Variants in PCBP2 observed in about 807,000 individuals in gnomAD.
PCBP2 encodes the protein poly(rC) binding protein 2.
Under a neutral mutation model 50.1 loss-of-function variants are expected in PCBP2, and 4 were observed. That is an observed-to-expected ratio of 0.08 (90% CI 0.04 to 0.18). The LOEUF (loss-of-function observed/expected upper bound fraction) is 0.18, where lower values mean the gene tolerates loss of function less well. Ranked by LOEUF, PCBP2 falls within the 10% of genes least tolerant of loss-of-function variation. PCBP2 has a pLI of 1.00. For synonymous variants in PCBP2, 179 were observed against 168.0 expected (o/e 1.07, Z -0.51); for missense variants, 161 against 474.3 (o/e 0.34, Z 6.14).
At chr12:53,457,509 CTAG>C (rs1941119231) in intron 5 of PCBP2, among the ~76,000 whole-genome samples, 1 of 152,008 alleles carries the variant, frequency 6.6e-6, no homozygotes, top group African/African-American at 2.4e-5. Context: ...CCATGTCTGG[CTAG>C]TTTTCATGGG....
chr12:53,471,453 C>G (rs918912265), intron 13 of PCBP2, among the ~76,000 whole-genome samples, 185 bp from the exon 14 acceptor site: 7 of 150,680 alleles, frequency 4.6e-5, no homozygotes, highest in Admixed American at 1.3e-4. Context: ...TGGCATGCGC[C>G]TGTAGTCCTG....
In PCBP2 at chr12:53,452,283, C is replaced by T. The variant is rs1287985774; in HGVS notation, c.-169C>T. 7.7e-6 allele frequency: 1 copy of T among 130,392 alleles called. No individual in the cohort carries two copies. The highest frequency in any genetic ancestry group is 1.7e-5 in the Non-Finnish European group (1 of 59,854). The allele number at this position is 130,392 out of a possible 1,614,324, so 8.1% of individuals were successfully genotyped here. On this transcript the variant is annotated 5_prime_UTR_variant, in exon 1 of 15. Transcript: ENST00000546463. ...CCGCCCGCCCGCGGGGCCCCCCTCG[C>T]CTTCCCGCCCGCCCCTATTGTTCCG...
At chr12:53,452,578 T>G (rs971215863) in intron 1 of PCBP2, among the ~76,000 whole-genome samples, 13 of 150,062 alleles carry the variant, frequency 8.7e-5, no homozygotes, top group Admixed American at 5.9e-4. Flanking sequence ...GCAAGGCCTA[T>G]TCCCCCCTCC....
chr12:53,459,013 C>T (rs753799931), intron 5 of PCBP2, among the ~76,000 whole-genome samples: 1 of 152,120 alleles, frequency 6.6e-6, no homozygotes, highest in Non-Finnish European at 1.5e-5. Flanking sequence ...CAGATTATTA[C>T]TTTTATCCTT....
intron 7 of PCBP2, among the ~76,000 whole-genome samples, chr12:53,461,386 T>G (rs918215835): frequency 6.6e-6 from 1 of 152,120 alleles, no homozygotes; most frequent in African/African-American, 2.4e-5. Flanking sequence ...TGTAGCAGAG[T>G]CGGGGAGAAG....
At chr12:53,474,221 C>T (rs867722973) in intron 14 of PCBP2, among the ~76,000 whole-genome samples, 15 of 152,104 alleles carry the variant, frequency 9.9e-5, no homozygotes, top group Middle Eastern at 3.4e-3. Flanking sequence ...ATACCACCTC[C>T]CACCAGAAAA....
intron 12 of PCBP2, 100 bp downstream of exon 12, chr12:53,467,943 C>G: frequency 1.1e-6 from 1 of 951,546 alleles, no homozygotes; most frequent in Non-Finnish European, 1.7e-6. Flanking sequence ...CAGCAACATG[C>G]ACATGGCAGA....
intron 11 of PCBP2, 32 bp downstream of exon 11, chr12:53,467,325 G>T (rs752986382): frequency 6.5e-7 from 1 of 1,550,078 alleles, no homozygotes; most frequent in Admixed American, 1.7e-5. Context: ...TTTCTGTAAG[G>T]TGTAGTGCAA....
intron 1 of PCBP2, chr12:53,453,313 A>T (rs1320021802): frequency 6.6e-5 from 10 of 151,718 alleles, no homozygotes; most frequent in Non-Finnish European, 1.3e-4. Context: ...GGTCTTTACC[A>T]CATCTTATTA....
At chr12:53,454,360 T>G (rs1422365834) in intron 1 of PCBP2, 2 of 158,028 alleles carry the variant, frequency 1.3e-5, no homozygotes, top group African/African-American at 4.8e-5. Context: ...TCGCTGTAGT[T>G]GGAGATTTGC....
At chr12:53,475,788 C>G (rs1301150616) in intron 14 of PCBP2, 3 of 152,126 alleles carry the variant, frequency 2.0e-5, no homozygotes, top group Non-Finnish European at 4.4e-5. Flanking sequence ...AATATTTCCA[C>G]AAAGAGATAA....
intron 14 of PCBP2, chr12:53,475,313 C>T (rs550597722): frequency 8.0e-6 from 3 of 374,424 alleles, no homozygotes; most frequent in East Asian, 7.4e-5. Flanking sequence ...AGCTTGTTAC[C>T]GTTTCCTTTT....
chr12:53,462,097 T>C (rs1941491656), intron 7 of PCBP2, among the ~76,000 whole-genome samples: 1 of 152,220 alleles, frequency 6.6e-6, no homozygotes, highest in Non-Finnish European at 1.5e-5. Context: ...ATTCTAGACA[T>C]AACACTTGAG....
At chr12:53,459,184 C>A in intron 5 of PCBP2, 88 bp from the exon 6 acceptor site, 2 of 1,188,546 alleles carry the variant, frequency 1.7e-6, no homozygotes, top group Non-Finnish European at 1.1e-6. Flanking sequence ...CTAATAAGAT[C>A]ACTTACCCTA....
chr12:53,458,965 C>CT (rs1217689887), intron 5 of PCBP2, among the ~76,000 whole-genome samples: 1 of 152,090 alleles, frequency 6.6e-6, no homozygotes, highest in Non-Finnish European at 1.5e-5. Flanking sequence ...TTGACATCAT[C>CT]TTTTTTCCCC....
In PCBP2 at chr12:53,461,000, CT is replaced by C; in HGVS notation, c.376-10del. The C allele has an allele frequency of 1.2e-6, 2 of 1,611,896 alleles. No individual in the cohort carries two copies. Among genetic ancestry groups the C allele is most frequent in the Non-Finnish European group, 1.7e-6 (2 of 1,179,404 alleles). The stretch of plus-strand genomic sequence containing the variant: ...ACTGTTTTTCTCTGATTTTGAATTT[CT>C]TTTTACTCCAAAGAGTACAGGGGCT... On this transcript the variant is annotated splice_polypyrimidine_tract_variant and intron_variant, in intron 6 of 14. Transcript: ENST00000546463.
At chr12:53,474,850 CT>C in intron 14 of PCBP2, 1 of 367,882 alleles carries the variant, frequency 2.7e-6, no homozygotes, top group Non-Finnish European at 5.5e-6. Context: ...TTTTTTGTTC[CT>C]TTTTTCCTCT....
chr12:53,459,319 G>A lies in PCBP2; in HGVS notation c.291G>A (p.Pro97=), dbSNP rs571129099. ...MTNSTAASRP[P]VTLRLVVPAS... is the part of the protein sequence containing the mutation. The stretch of plus-strand genomic sequence containing the variant: ...ATAGCACAGCTGCCAGTAGACCCCC[G>A]GTCACCCTGAGGCTGGTGGTCCCTG... The change falls in exon 6 of 15, where the codon CCG becomes CCA. Residue 97 remains proline, a synonymous_variant. Transcript: ENST00000546463. The A allele has an allele frequency of 7.4e-6, 12 of 1,612,926 alleles. No homozygotes were observed. In the East Asian group the frequency reaches 1.1e-4, roughly 15 times the overall value.
chr12:53,479,672 T>TTTTTTTTTTTTTTGG lies in PCBP2; in HGVS notation c.*241_*242insTTGGTTTTTTTTTTT, dbSNP rs1555209672. 689 of 286,586 alleles carry TTTTTTTTTTTTTTGG rather than the reference T, an allele frequency of 2.4e-3. 9 individuals are homozygous for TTTTTTTTTTTTTTGG. Among genetic ancestry groups the TTTTTTTTTTTTTTGG allele is most frequent in the African/African-American group, 0.013 (561 of 43,586 alleles). 17.8% of individuals were successfully genotyped at this position (286,586 alleles called of 1,614,324 possible). A position where few individuals can be genotyped will look rare whatever the true frequency, so the allele number is the denominator to read the frequency against. On this transcript the variant is annotated 3_prime_UTR_variant, in exon 15 of 15. Transcript: ENST00000546463. ...TTTAGTTTTATAAGCTTCTCCCTGG[T>TTTTTTTTTTTTTTGG]TTTTTTTTTTTGGCTCATGAATTTT...
Sources: gnomAD v4.1 joint callset for allele counts (sites outside exome capture counted in the v4.1 genomes callset) on GRCh38, gnomAD v4.1.1 for gene constraint, MANE v1.5 for transcripts, NCBI Gene and HGNC (gene_info 2026-07-23, HGNC 2026-07-21) for gene names.